Variants in MYCBPAP observed in about 807,000 individuals in gnomAD.
MYCBPAP encodes the protein MYCBP-associated protein.
MYCBPAP carries 60 observed loss-of-function variants against 106.1 expected under a neutral mutation model. That is an observed-to-expected ratio of 0.57 (90% CI 0.46 to 0.70). The LOEUF is 0.70. MYCBPAP is among the 30% of genes least tolerant of loss of function. MYCBPAP has a pLI of 0.00. For synonymous variants in MYCBPAP, 407 were observed against 440.6 expected (o/e 0.92, Z 0.95); for missense variants, 1,064 against 1,169.3 (o/e 0.91, Z 1.31).
chr17:50,511,781 A>G (rs915114158), intron 1 of MYCBPAP, among the ~76,000 whole-genome samples: 1 of 152,206 alleles, frequency 6.6e-6, no homozygotes, highest in Non-Finnish European at 1.5e-5. Context: ...GTATAGGCTC[A>G]GTAGTCAGAC....
rs765163102 is a variant in MYCBPAP, at chr17:50,521,319, A to AT, written c.1038dup (p.Asp347Ter). 9 of 1,601,418 alleles carry AT rather than the reference A, an allele frequency of 5.6e-6. No homozygotes were observed. In the East Asian group the frequency reaches 2.0e-4, roughly 36 times the overall value. ...TACCTTTCTCCATCTCTCGGAGGAT[A>AT]TTGATGGCCTGGAGGTGGTGGGCAA... On this transcript the variant is annotated frameshift_variant, in exon 9 of 19. Coordinates refer to ENST00000323776, the MANE Select transcript of MYCBPAP (RefSeq NM_032133.6). LOFTEE classifies it high-confidence loss of function.
At chr17:50,514,794 A>G in intron 1 of MYCBPAP, 2 of 282,522 alleles carry the variant, frequency 7.1e-6, no homozygotes, top group Non-Finnish European at 7.4e-6. Flanking sequence ...AGTGGTTGGG[A>G]CTACAGGCAT....
rs2143929917 is a variant in MYCBPAP at position 50,517,465 on chromosome 17, T to C, written c.364+13T>C. On this transcript the variant is annotated intron_variant, in intron 3 of 18. Transcript: ENST00000323776. The stretch of plus-strand genomic sequence containing the variant: ...CTGGACTACTCCGGTACACCCAGTC[T>C]CAGCCCTGGCTTCACTGTCTTTCAA... 6.2e-7 allele frequency: 1 copy of C among 1,614,202 alleles called. No individual in the cohort carries two copies. Among genetic ancestry groups the C allele is most frequent in the South Asian group, 1.1e-5 (1 of 91,086 alleles).
Position 50,518,727 on chromosome 17 carries a change from G to C in MYCBPAP, c.652+3G>C. On this transcript the variant is annotated splice_donor_region_variant and intron_variant, in intron 5 of 18. Coordinates refer to ENST00000323776, the MANE Select transcript of MYCBPAP (RefSeq NM_032133.6). ...GAAGCAGCAGGAAGCCCTCAGCGGT[G>C]AGCAGAGCAGACAGGGCTCCCGCCC... is the stretch of plus-strand genomic sequence containing the variant. 1 of 1,571,728 alleles carries C rather than the reference G, an allele frequency of 6.4e-7. No individual in the cohort carries two copies. Among genetic ancestry groups the C allele is most frequent in the Middle Eastern group, 1.9e-4 (1 of 5,396 alleles).
chr17:50,522,000 C>T lies in MYCBPAP; in HGVS notation c.1176C>T (p.Val392=). 1.9e-6 allele frequency: 3 copies of T among 1,613,850 alleles called. No individual in the cohort carries two copies. The South Asian group carries it at 3.3e-5, about 18-fold the overall frequency. The change falls in exon 10 of 19, where the codon GTC becomes GTT. Residue 392 remains valine, a synonymous_variant. Transcript: ENST00000323776. Reference sequence around the variant, plus strand: ...GCACATTGGCCAGTTCCTCTGATGTCTCCATGCCTATTCTCGGCCCTTCTC... The same window carrying T: ...GCACATTGGCCAGTTCCTCTGATGTTTCCATGCCTATTCTCGGCCCTTCTC... The part of the protein sequence containing the change: ...YLGTLASSSD[V]SMPILGPSLL...
At chr17:50,519,111 G>A (rs769342682) in intron 6 of MYCBPAP, 22 bp downstream of exon 6, 3 of 1,422,034 alleles carry the variant, frequency 2.1e-6, no homozygotes, top group East Asian at 3.5e-5. Context: ...TGTCCTAAGT[G>A]CCCGGGGGCA....
Position 50,508,550 on chromosome 17 carries a change from G to T in MYCBPAP, c.-125G>T. The T allele has an allele frequency of 7.8e-6, 12 of 1,542,846 alleles. No individual in the cohort carries two copies. Among genetic ancestry groups the T allele is most frequent in the Non-Finnish European group, 1.0e-5 (12 of 1,144,802 alleles). The stretch of plus-strand genomic sequence containing the variant: ...TCCGCCCAAGTTGATCGGTGGATGC[G>T]CGCCCCCGCGCGGGGCACCGGTTGC... On this transcript the variant is annotated 5_prime_UTR_variant, in exon 1 of 19. Transcript: ENST00000323776.
chr17:50,526,299 A>C, intron 14 of MYCBPAP, 32 bp downstream of exon 14: 1 of 1,547,138 alleles, frequency 6.5e-7, no homozygotes, highest in Non-Finnish European at 8.7e-7. Flanking sequence ...GCAATGGTAG[A>C]GAATATTCCT....
chr17:50,516,056 C>G (rs1319250564), intron 1 of MYCBPAP: 1 of 153,976 alleles, frequency 6.5e-6, no homozygotes, highest in Non-Finnish European at 1.4e-5. Flanking sequence ...GTCACACGAT[C>G]TCAGCTCACT....
At chr17:50,518,078 G>A (rs1285086469) in intron 4 of MYCBPAP, among the ~76,000 whole-genome samples, 3 of 152,218 alleles carry the variant, frequency 2.0e-5, no homozygotes, top group Admixed American at 6.5e-5. Context: ...TCCACGTGGT[G>A]GAGGAAGGTG....
In MYCBPAP at chr17:50,519,768, C is replaced by G; in HGVS notation, c.897C>G (p.His299Gln). ...MEPITHIRKP[H>Q]SIRVETGLPA... ...CCATCACTCACATCAGGAAGCCCCA[C>G]TCCATCCGGGTGGAGACAGGTGAGG... Residue 299 changes from histidine (H) to glutamine (Q), a missense_variant, in exon 7 of 19, where the codon CAC (histidine) becomes CAG (glutamine). By Grantham distance (24) the His-to-Gln change is conservative. Coordinates refer to ENST00000323776, the MANE Select transcript of MYCBPAP (RefSeq NM_032133.6). The G allele has an allele frequency of 1.2e-6, 2 of 1,613,930 alleles. No individual in the cohort carries two copies. The highest frequency in any genetic ancestry group is 1.7e-6 in the Non-Finnish European group (2 of 1,179,952).
intron 1 of MYCBPAP, chr17:50,509,096 A>G (rs2033726994): frequency 1.4e-6 from 1 of 702,834 alleles, no homozygotes; most frequent in African/African-American, 1.7e-5. Context: ...AAGAGCCAGG[A>G]AAGAGTTTAA....
chr17:50,524,900 A>G lies in MYCBPAP; in HGVS notation c.1659A>G (p.Ala553=), dbSNP rs761005466. ...VLESKLTAHE[A]VTVVREVLQE... The stretch of plus-strand genomic sequence containing the variant: ...AGAGCAAGCTGACTGCCCATGAGGC[A>G]GTCACCGTCGTTCGCGAAGTGCTGC... Residue 553 remains alanine, a synonymous_variant, in exon 13 of 19, where the codon GCA becomes GCG. Transcript: ENST00000323776. 1.2e-6 allele frequency: 2 copies of G among 1,613,824 alleles called. No homozygotes were observed. Among genetic ancestry groups the G allele is most frequent in the African/African-American group, 2.7e-5 (2 of 74,930 alleles).
At chr17:50,530,550 C>T (rs187657870) in intron 18 of MYCBPAP, among the ~76,000 whole-genome samples, 32 of 151,238 alleles carry the variant, frequency 2.1e-4, no homozygotes, top group Admixed American at 1.4e-3. Context: ...AATCCTAGCA[C>T]GTTGGAAGGC....
chr17:50,522,199 C>A, intron 10 of MYCBPAP, 118 bp downstream of exon 10: 1 of 698,378 alleles, frequency 1.4e-6, no homozygotes, highest in Non-Finnish European at 2.4e-6. Context: ...TCTGGTCGTG[C>A]ATTCAGCACG....
intron 8 of MYCBPAP, 32 bp downstream of exon 8, chr17:50,521,257 C>G (rs1436039776): frequency 6.3e-6 from 10 of 1,598,008 alleles, no homozygotes; most frequent in Non-Finnish European, 7.7e-6. Flanking sequence ...CAGTCAGAAG[C>G]CCCTTGGGGC....
Position 50,523,731 on chromosome 17 carries a change from C to T in MYCBPAP, c.1582C>T (p.His528Tyr), listed in dbSNP as rs758105242. 7 of 1,614,074 alleles carry T rather than the reference C, an allele frequency of 4.3e-6. No individual in the cohort carries two copies. The South Asian group carries it at 7.7e-5, about 18-fold the overall frequency. ...LGGAILQVNLHAVSLTQDVFE... is the reference protein window; with the variant it reads ...LGGAILQVNLYAVSLTQDVFE... ...AGGTGCTATACTGCAGGTCAATCTC[C>T]ACGCGGTCTCCCTGACCCAGGACGT... Residue 528 changes from histidine to tyrosine, a missense_variant, in exon 12 of 19, where the codon CAC (histidine) becomes TAC (tyrosine). His to Tyr is a moderately conservative substitution (Grantham distance 83). Transcript: ENST00000323776.
Position 50,514,760 on chromosome 17 carries a change from G to A in MYCBPAP, c.77-1810G>A, listed in dbSNP as rs2033982225. ...TGCAGCCTTCACTTCCTGGGCTCAG[G>A]TTATCCTTCCCCTCAGCCTCCCAAG... is the stretch of plus-strand genomic sequence containing the variant. On this transcript the variant is annotated intron_variant, in intron 1 of 18. Transcript: ENST00000323776. The A allele has an allele frequency of 1.6e-5, 4 of 250,820 alleles. No homozygotes were observed. The East Asian group carries it at 5.3e-4, about 33-fold the overall frequency. The allele number at this position is 250,820 out of a possible 1,614,324, so 15.5% of individuals were successfully genotyped here.
chr17:50,518,763 T>G, intron 5 of MYCBPAP, 39 bp downstream of exon 5: 1 of 1,552,442 alleles, frequency 6.4e-7, no homozygotes. Flanking sequence ...GGCCTCCATC[T>G]GGCAGCAAGG....
Sources: allele counts gnomAD v4.1 joint callset (sites outside exome capture counted in the v4.1 genomes callset), GRCh38; gene constraint gnomAD v4.1.1; transcripts MANE v1.5; gene names NCBI Gene and HGNC (gene_info 2026-07-23, HGNC 2026-07-21).